The following AVEN variants were observed in gnomAD, a reference collection of about 807,000 sequenced individuals.
The protein encoded by AVEN is cell death regulator Aven.
In AVEN, 41 loss-of-function variants were observed where a neutral mutation model predicts 38.1. That is an observed-to-expected ratio of 1.08 (90% CI 0.84 to 1.40). The LOEUF (loss-of-function observed/expected upper bound fraction) is 1.40. Ranked by LOEUF, AVEN falls within the 40% of genes most tolerant of loss-of-function variation. The pLI, the probability that AVEN is intolerant of heterozygous loss-of-function variation, is 0.00. For synonymous variants in AVEN, 206 were observed against 171.8 expected (o/e 1.20, Z -1.56); for missense variants, 605 against 438.8 (o/e 1.38, Z -3.38).
rs34414446 is a variant in AVEN at position 34,031,168 on chromosome 15, A to ATTTTTTTT, written c.267+7604_267+7611dup. On this transcript the variant is annotated intron_variant, in intron 1 of 5. Coordinates refer to ENST00000306730, the MANE Select transcript of AVEN (RefSeq NM_020371.3). ...TCCCAATTATGCTTTGCTTAGGTTA[A>ATTTTTTTT]TTTTTTTTTTTTTTTTTTTTTTTGA... is the stretch of plus-strand genomic sequence containing the variant. Among the ~76,000 whole-genome samples the ATTTTTTTT allele has an allele frequency of 6.5e-4, 44 of 67,594 alleles. 1 individual carries two copies. The highest frequency in any genetic ancestry group is 0.018 in the Middle Eastern group (1 of 56). The allele number at this position is 67,594 out of a possible 152,430, so 44.3% of individuals were successfully genotyped here.
In AVEN at chr15:34,063,795, A is replaced by G; in HGVS notation, n.1127-363T>C. The G allele has an allele frequency of 6.2e-7, 1 of 1,614,230 alleles. No homozygotes were observed. The highest frequency in any genetic ancestry group is 8.5e-7 in the Non-Finnish European group (1 of 1,180,044). On this transcript the variant is annotated intron_variant and non_coding_transcript_variant, in intron 4 of 11. Transcript: ENST00000675287. This position sits in a 1 kb window ranked among gnomAD's most constrained non-coding sequence, Gnocchi z 4.1. Reference sequence around the variant, plus strand: ...TGAAAAAAGTGACTATGACACCCCAAACTACCTTCTGTCTCCAGCAGCTGC... The same window carrying G: ...TGAAAAAAGTGACTATGACACCCCAGACTACCTTCTGTCTCCAGCAGCTGC...
chr15:34,052,458 AC>A (rs1261105901), intron 5 of AVEN, among the ~76,000 whole-genome samples: 1 of 152,216 alleles, frequency 6.6e-6, no homozygotes, highest in Non-Finnish European at 1.5e-5. Flanking sequence ...ACTCTGTCTT[AC>A]CACTCCTATT....
chr15:33,984,862 T>C (rs1462567533), intron 2 of AVEN, among the ~76,000 whole-genome samples: 1 of 152,144 alleles, frequency 6.6e-6, no homozygotes, highest in African/African-American at 2.4e-5. Context: ...CATTCACTCA[T>C]TCAGCAAGCT....
At chr15:33,983,223 T>TATACACACAC (rs1175801204) in intron 2 of AVEN, among the ~76,000 whole-genome samples, 2 of 110,624 alleles carry the variant, frequency 1.8e-5, no homozygotes, top group African/African-American at 8.2e-5. Context: ...TACATATATA[T>TATACACACAC]ACACACACAT....
downstream of AVEN, among the ~76,000 whole-genome samples, chr15:33,864,600 G>A (rs1889799947): frequency 6.6e-6 from 1 of 151,454 alleles, no homozygotes; most frequent in East Asian, 1.9e-4. Context: ...GTGCATGTGA[G>A]AGGATGAGTG....
intron 2 of AVEN, among the ~76,000 whole-genome samples, chr15:33,900,709 A>G (rs1041402908): frequency 1.3e-5 from 2 of 152,136 alleles, no homozygotes; most frequent in African/African-American, 4.8e-5. Context: ...TACAATAATT[A>G]CCTTAAGGTC....
intron 5 of AVEN, among the ~76,000 whole-genome samples, chr15:34,045,248 A>G (rs1304158006): frequency 1.3e-5 from 2 of 152,214 alleles, no homozygotes; most frequent in African/African-American, 4.8e-5. Flanking sequence ...ACTAGTGAAC[A>G]CAAAGTATGT....
intron 2 of AVEN, among the ~76,000 whole-genome samples, chr15:33,922,802 G>C (rs1156751426): frequency 1.3e-5 from 2 of 152,080 alleles, no homozygotes; most frequent in Non-Finnish European, 2.9e-5. Context: ...CTTATTTCAT[G>C]AAATATGCTT....
chr15:34,025,741 TTTTGG>T (rs1439868260), intron 1 of AVEN, among the ~76,000 whole-genome samples: 16 of 152,258 alleles, frequency 1.1e-4, no homozygotes, highest in African/African-American at 3.6e-4. Flanking sequence ...TGTGTTTTTG[TTTTGG>T]TTTGGTTTTG....
intron 2 of AVEN, among the ~76,000 whole-genome samples, chr15:33,897,772 C>T (rs1446786621): frequency 6.6e-6 from 1 of 152,082 alleles, no homozygotes; most frequent in Non-Finnish European, 1.5e-5. Context: ...GTCTTAGCTA[C>T]TTGAGAGGCT....
At chr15:33,857,707 TAG>T (rs1045124123), downstream of AVEN, 13 of 1,573,384 alleles carry the variant, frequency 8.3e-6, no homozygotes, top group African/African-American at 2.7e-5. Context: ...CTCGTTTTCT[TAG>T]AGTCTCCTGT....
At position 33,867,927 on chromosome 15, in the gene AVEN, G is replaced by C. The variant is rs1388160980; in HGVS notation, c.613-72C>G. On this transcript the variant is annotated intron_variant, in intron 4 of 5. Coordinates refer to ENST00000306730, the MANE Select transcript of AVEN (RefSeq NM_020371.3). ...TATTGGCTTAAGTAAATACATAGGA[G>C]GCTAAACGAAGCCATCAAACTTTGT... is the stretch of plus-strand genomic sequence containing the variant. 6 of 1,490,846 alleles carry C rather than the reference G, an allele frequency of 4.0e-6. No individual in the cohort carries two copies. In the African/African-American group the frequency reaches 5.6e-5, roughly 14 times the overall value. The allele number at this position is 1,490,846 out of a possible 1,614,324, so 92.4% of individuals were successfully genotyped here. A position where few individuals can be genotyped will look rare whatever the true frequency, so the allele number is the denominator to read the frequency against.
intron 1 of AVEN, among the ~76,000 whole-genome samples, chr15:34,024,048 T>C (rs548447449): frequency 6.6e-6 from 1 of 152,194 alleles, no homozygotes; most frequent in South Asian, 2.1e-4. Context: ...TAAATGTGAA[T>C]GTTTCCAGAA....
At chr15:33,890,393 G>A (rs962623635) in intron 2 of AVEN, among the ~76,000 whole-genome samples, 1 of 152,222 alleles carries the variant, frequency 6.6e-6, no homozygotes, top group African/African-American at 2.4e-5. Flanking sequence ...ATAATAATGC[G>A]TAAATATATG....
At chr15:33,955,576 A>C (rs1263612629) in intron 2 of AVEN, among the ~76,000 whole-genome samples, 10 of 152,228 alleles carry the variant, frequency 6.6e-5, no homozygotes, top group African/African-American at 2.4e-4. Flanking sequence ...TTCATTTTAA[A>C]GAGTATTATG....
At chr15:34,045,632 G>C (rs1272781931) in intron 5 of AVEN, among the ~76,000 whole-genome samples, 1 of 151,902 alleles carries the variant, frequency 6.6e-6, no homozygotes, top group Non-Finnish European at 1.5e-5. Context: ...TGCCATTAAA[G>C]TTTTCCACTG....
chr15:33,859,503 G>T (rs2153013089), intron 11 of AVEN: 2 of 1,552,128 alleles, frequency 1.3e-6, no homozygotes, highest in East Asian at 2.2e-5. Context: ...CGAATCATAT[G>T]AATGATCTGA....
chr15:33,981,849 T>G (rs930513845), intron 2 of AVEN, among the ~76,000 whole-genome samples: 6 of 152,122 alleles, frequency 3.9e-5, no homozygotes, highest in African/African-American at 1.4e-4. Flanking sequence ...GTTTTTTTGT[T>G]TTTGAAACGG....
chr15:33,865,035 A>C (rs1191939425), downstream of AVEN: 1 of 822,896 alleles, frequency 1.2e-6, no homozygotes, highest in Non-Finnish European at 2.0e-6. Context: ...AATTCACATC[A>C]GTCTTCCTAA....
Sources: gnomAD v4.1 joint callset for allele counts (sites outside exome capture counted in the v4.1 genomes callset) on GRCh38, gnomAD v4.1.1 for gene constraint, Gnocchi (gnomAD v3.1) non-coding constraint, MANE v1.5 for transcripts, NCBI Gene and HGNC (gene_info 2026-07-23, HGNC 2026-07-21) for gene names.